Variants in NOSTRIN observed in about 807,000 individuals in gnomAD.
The protein encoded by NOSTRIN is BM247 homolog.
NOSTRIN carries 63 observed loss-of-function variants against 59.0 expected under a neutral mutation model. The ratio of observed to expected loss-of-function variants is 1.07; its 90% CI spans 0.87 to 1.32. The LOEUF (loss-of-function observed/expected upper bound fraction) is 1.32, where lower values mean the gene tolerates loss of function less well. Ranked by LOEUF, NOSTRIN falls within the 40% of genes most tolerant of loss-of-function variation. NOSTRIN has a pLI of 0.00. For missense variants in NOSTRIN, 512 were observed against 473.1 expected (o/e 1.08, Z -0.76); for synonymous variants, 200 against 165.4 (o/e 1.21, Z -1.61).
At chr2:168,839,020 G>C (rs2947934) in intron 7 of NOSTRIN, among the ~76,000 whole-genome samples, 3 of 151,656 alleles carry the variant, frequency 2.0e-5, no homozygotes, top group Non-Finnish European at 4.4e-5. Context: ...CCTGACCACA[G>C]GTGATCTGCC....
chr2:168,829,165 T>C (rs1212894981), intron 5 of NOSTRIN, among the ~76,000 whole-genome samples: 1 of 152,192 alleles, frequency 6.6e-6, no homozygotes, highest in East Asian at 1.9e-4. Flanking sequence ...TACAGAAAGA[T>C]AATTAAACAA....
intron 10 of NOSTRIN, among the ~76,000 whole-genome samples, chr2:168,852,640 A>C (rs1688837670): frequency 6.6e-6 from 1 of 152,216 alleles, no homozygotes; most frequent in African/African-American, 2.4e-5. Flanking sequence ...TAGGATTAGA[A>C]GTACAGCCAA....
chr2:168,822,378 G>A (rs1190488318), intron 2 of NOSTRIN, among the ~76,000 whole-genome samples: 1 of 152,162 alleles, frequency 6.6e-6, no homozygotes, highest in South Asian at 2.1e-4. Context: ...TTTAGCAATA[G>A]ATCAATAGCC....
At chr2:168,830,782 G>A (rs758252923) in intron 5 of NOSTRIN, among the ~76,000 whole-genome samples, 3 of 152,218 alleles carry the variant, frequency 2.0e-5, no homozygotes, top group Non-Finnish European at 4.4e-5. Context: ...CTGGCAGTTA[G>A]GACTGTTACC....
At chr2:168,855,928 G>A (rs1364614895) in intron 11 of NOSTRIN, 1 of 452,270 alleles carries the variant, frequency 2.2e-6, no homozygotes, top group South Asian at 1.6e-5. Flanking sequence ...AAAGCAACAA[G>A]GATGACAAAA....
At chr2:168,828,729 A>G (rs921229945) in intron 5 of NOSTRIN, among the ~76,000 whole-genome samples, 1 of 152,150 alleles carries the variant, frequency 6.6e-6, no homozygotes, top group Non-Finnish European at 1.5e-5. Flanking sequence ...GAAAAACTGG[A>G]AACTACTGAA....
At chr2:168,815,862 A>G (rs1048720271) in intron 2 of NOSTRIN, among the ~76,000 whole-genome samples, 1 of 152,172 alleles carries the variant, frequency 6.6e-6, no homozygotes, top group Non-Finnish European at 1.5e-5. Context: ...ACTCTTCTCC[A>G]AAGCTGGTCC....
At chr2:168,842,113 G>A (rs962416187) in intron 7 of NOSTRIN, among the ~76,000 whole-genome samples, 2 of 152,204 alleles carry the variant, frequency 1.3e-5, no homozygotes, top group African/African-American at 4.8e-5. Flanking sequence ...AGGGGAAAGT[G>A]AGACTAATAT....
At chr2:168,797,079 C>CTTTTTTTTTTTTTTTTT (rs775176252), upstream of NOSTRIN, among the ~76,000 whole-genome samples, 31 of 75,030 alleles carry the variant, frequency 4.1e-4, 2 homozygotes, top group African/African-American at 1.2e-3. Context: ...TTTCTTTTTT[C>CTTTTTTTTTTTTTTTTT]TTTTTTTTTT....
At chr2:168,831,685 A>G in intron 6 of NOSTRIN, 151 bp downstream of exon 6, 4 of 590,916 alleles carry the variant, frequency 6.8e-6, no homozygotes, top group South Asian at 6.7e-5. Context: ...TTACACAGAT[A>G]TATTTTTCAC....
At chr2:168,842,110 A>G (rs1688143191) in intron 7 of NOSTRIN, among the ~76,000 whole-genome samples, 1 of 152,238 alleles carries the variant, frequency 6.6e-6, no homozygotes, top group Non-Finnish European at 1.5e-5. Flanking sequence ...GGCAGGGGAA[A>G]GTGAGACTAA....
chr2:168,859,302 GACACACTCA>G, intron 12 of NOSTRIN: 1 of 572,628 alleles, frequency 1.7e-6, no homozygotes, highest in Non-Finnish European at 2.9e-6. Flanking sequence ...TACAGAATGA[GACACACTCA>G]ACAACTAAAA....
At chr2:168,822,216 A>C (rs1686783364) in intron 2 of NOSTRIN, among the ~76,000 whole-genome samples, 1 of 152,226 alleles carries the variant, frequency 6.6e-6, no homozygotes, top group Non-Finnish European at 1.5e-5. Flanking sequence ...TACTTGCCTT[A>C]GCCTTTCCTT....
intron 14 of NOSTRIN, 122 bp from the exon 15 acceptor site, chr2:168,861,833 ACTTTC>A: frequency 1.3e-6 from 1 of 793,208 alleles, no homozygotes; most frequent in Admixed American, 2.7e-5. Context: ...AAAATTACAA[ACTTTC>A]CTTTTGAGAA....
intron 2 of NOSTRIN, among the ~76,000 whole-genome samples, chr2:168,819,342 T>A (rs904291400): frequency 6.6e-6 from 1 of 152,174 alleles, no homozygotes. Flanking sequence ...ACTGCCTCAT[T>A]AGACCGGAAG....
chr2:168,856,276 T>C (rs1213486119), intron 11 of NOSTRIN: 10 of 226,098 alleles, frequency 4.4e-5, no homozygotes, highest in East Asian at 2.6e-4. Flanking sequence ...CCCTCAGCCA[T>C]TTAAGAAACC....
Position 168,864,861 on chromosome 2 carries a change from A to G in NOSTRIN, c.1412A>G (p.Lys471Arg). ...GACATTGTGATTATACACGAGAAAA[A>G]AGAAGGAGGATGGTGGTTTGGATCT... ...KGDIVIIHEKKEGGWWFGSLN... is the reference protein window; with the variant it reads ...KGDIVIIHEKREGGWWFGSLN... The change falls in exon 16 of 16, where the codon AAA becomes AGA. Residue 471 changes from lysine (K) to arginine (R), a missense_variant. By Grantham distance (26) the Lys-to-Arg change is conservative. Coordinates refer to ENST00000317647, the MANE Select transcript of NOSTRIN (RefSeq NM_001039724.4). The G allele has an allele frequency of 6.2e-7, 1 of 1,614,022 alleles. No homozygotes were observed. The highest frequency in any genetic ancestry group is 8.5e-7 in the Non-Finnish European group (1 of 1,179,944).
chr2:168,815,933 G>C lies in NOSTRIN; in HGVS notation c.113+4281G>C, dbSNP rs1200350169. On this transcript the variant is annotated intron_variant, in intron 2 of 15. Transcript: ENST00000317647. ...AATGCCTGGGACCATCTGTATCCATGATTCTGTCCATCTCAACTCATGACC... is the reference window on the plus strand; with the variant it reads ...AATGCCTGGGACCATCTGTATCCATCATTCTGTCCATCTCAACTCATGACC... Among the ~76,000 whole-genome samples the C allele has an allele frequency of 2.6e-5, 4 of 152,278 alleles. No homozygotes were observed. In the East Asian group the frequency reaches 5.8e-4, roughly 22 times the overall value.
At chr2:168,844,470 C>G (rs939164131) in intron 8 of NOSTRIN, among the ~76,000 whole-genome samples, 2 of 152,096 alleles carry the variant, frequency 1.3e-5, no homozygotes, top group Non-Finnish European at 2.9e-5. Flanking sequence ...GTACTTGGTG[C>G]TCAGTGCTCC....
Sources: gnomAD v4.1 joint callset for allele counts (sites outside exome capture counted in the v4.1 genomes callset) on GRCh38, gnomAD v4.1.1 for gene constraint, MANE v1.5 for transcripts, NCBI Gene and HGNC (gene_info 2026-07-23, HGNC 2026-07-21) for gene names.